Variants in TMEM259 observed in about 807,000 individuals in gnomAD.
TMEM259 encodes transmembrane protein 259.
Under a neutral mutation model 46.7 loss-of-function variants are expected in TMEM259, and 26 were observed. The observed-to-expected ratio is 0.56, with a 90% CI of 0.41 to 0.77. The LOEUF (loss-of-function observed/expected upper bound fraction) is 0.77, where lower values mean the gene tolerates loss of function less well. Among genes scored for constraint, TMEM259 ranks in the 30% least tolerant of loss-of-function variants. The pLI is 0.00. For synonymous variants in TMEM259, 494 were observed against 395.1 expected (o/e 1.25, Z -2.97); for missense variants, 930 against 900.5 (o/e 1.03, Z -0.42).
chr19:1,018,343 C>T (rs1353601837), intron 1 of TMEM259, among the ~76,000 whole-genome samples: 1 of 152,142 alleles, frequency 6.6e-6, no homozygotes, highest in Non-Finnish European at 1.5e-5. Flanking sequence ...GATGAGGGAC[C>T]GGGGGGCTCC....
chr19:1,010,366 G>T lies in TMEM259; in HGVS notation c.1847C>A (p.Ser616Ter). 1.3e-6 allele frequency: 2 copies of T among 1,494,038 alleles called. No homozygotes were observed. 92.5% of individuals were successfully genotyped at this position (1,494,038 alleles called of 1,614,324 possible). The change falls in exon 11 of 11, where the codon TCG becomes TAG. Residue 616 changes from serine to a stop codon, truncating the protein, a stop_gained. Coordinates refer to ENST00000356663, the MANE Select transcript of TMEM259 (RefSeq NM_001033026.2). LOFTEE classifies it high-confidence loss of function. ...CTGTGCGGCTCAGGACCCCACCTCC[G>T]AGGGCGCCTCCGTTGGGGCCATGGA... is the stretch of plus-strand genomic sequence containing the variant. ...PASMAPTEAP[S>*]EVGS
rs372803823 is a variant in TMEM259 at position 1,012,046 on chromosome 19, G to A, written c.841+20C>T. The stretch of plus-strand genomic sequence containing the variant: ...CCCCCACCCGCGCCCTCGCACCCTC[G>A]GCCCCGGGGCATGCCTCACCCTTGT... On this transcript the variant is annotated intron_variant, in intron 5 of 10. Transcript: ENST00000356663. 1.3e-5 allele frequency: 21 copies of A among 1,611,768 alleles called. No individual in the cohort carries two copies. In the Admixed American group the frequency reaches 2.2e-4, roughly 17 times the overall value.
chr19:1,010,418 C>A lies in TMEM259; in HGVS notation c.1795G>T (p.Ala599Ser). The A allele has an allele frequency of 1.1e-5, 16 of 1,518,772 alleles. No individual in the cohort carries two copies. The highest frequency in any genetic ancestry group is 1.3e-5 in the Non-Finnish European group (15 of 1,136,892). The allele number at this position is 1,518,772 out of a possible 1,614,324, so 94.1% of individuals were successfully genotyped here. ...SAASDTTPLGAAVGGPSPASM... is the reference protein window; with the variant it reads ...SAASDTTPLGSAVGGPSPASM... ...GCCGGGCTAGGCCCGCCTACCGCAG[C>A]CCCCAGGGGAGTTGTGTCAGAAGCT... is the stretch of plus-strand genomic sequence containing the variant. The change falls in exon 11 of 11, where the codon GCT becomes TCT. Residue 599 changes from alanine to serine, a missense_variant. Physicochemically the swap from Ala to Ser is moderately conservative, Grantham distance 99 (BLOSUM62 1). Transcript: ENST00000356663.
chr19:1,011,857 C>T, intron 6 of TMEM259, 35 bp downstream of exon 6: 1 of 1,591,614 alleles, frequency 6.3e-7, no homozygotes, highest in Non-Finnish European at 8.6e-7. Context: ...TGGCTCCCGC[C>T]CGGCCAGCCC....
At chr19:1,013,138 G>T in intron 3 of TMEM259, 103 bp downstream of exon 3, 1 of 1,044,286 alleles carries the variant, frequency 9.6e-7, no homozygotes, top group Non-Finnish European at 1.5e-6. Context: ...TCCAGGACAT[G>T]CAGCCAGCAG....
chr19:1,013,601 C>T (rs2039010832), intron 2 of TMEM259: 1 of 455,554 alleles, frequency 2.2e-6, no homozygotes, highest in Non-Finnish European at 4.0e-6. Context: ...GGCAGTAGAC[C>T]CCATGGAAGG....
Position 1,010,076 on chromosome 19 carries a change from GACCT to G in TMEM259, c.*270_*273del. ...TCCATCCTCAGGACGGTTCACTGCA[GACCT>G]ACCAAGACCCCTCCAGAACCTTCCG... is the stretch of plus-strand genomic sequence containing the variant. On this transcript the variant is annotated 3_prime_UTR_variant, in exon 11 of 11. Coordinates refer to ENST00000356663, the MANE Select transcript of TMEM259 (RefSeq NM_001033026.2). The G allele has an allele frequency of 2.2e-6, 1 of 452,586 alleles. No homozygotes were observed. Among genetic ancestry groups the G allele is most frequent in the Non-Finnish European group, 3.9e-6 (1 of 257,298 alleles). The allele number at this position is 452,586 out of a possible 1,614,324, so 28.0% of individuals were successfully genotyped here.
Position 1,011,643 on chromosome 19 carries a change from CCAGCATCTG to C in TMEM259, c.1012_1020del (p.Gln338_Leu340del). ...GGGAAGGCGATGGCCATGTTCATCTCCAGCATCTGCAGCAGGTCCACTGCGGGCACAGGG... is the reference window on the plus strand; with the variant it reads ...GGGAAGGCGATGGCCATGTTCATCTCCAGCAGGTCCACTGCGGGCACAGGG... On this transcript the variant is annotated inframe_deletion, in exon 8 of 11. Coordinates refer to ENST00000356663, the MANE Select transcript of TMEM259 (RefSeq NM_001033026.2). 6.5e-7 allele frequency: 1 copy of C among 1,546,806 alleles called. No individual in the cohort carries two copies. Among genetic ancestry groups the C allele is most frequent in the Non-Finnish European group, 8.7e-7 (1 of 1,145,094 alleles).
intron 9 of TMEM259, 40 bp downstream of exon 9, chr19:1,011,327 C>T: frequency 1.3e-6 from 2 of 1,552,642 alleles, no homozygotes; most frequent in Admixed American, 1.9e-5. Context: ...TACCCCTGCC[C>T]ACCAGCACCC....
chr19:1,012,356 C>A, intron 4 of TMEM259, 107 bp downstream of exon 4: 1 of 1,502,516 alleles, frequency 6.7e-7, no homozygotes, highest in Non-Finnish European at 8.9e-7. Context: ...CGGGGCAGAC[C>A]CCAGTGCTTC....
chr19:1,010,911 T>TCAGGGC lies in TMEM259; in HGVS notation c.1318-17_1318-16insGCCCTG. On this transcript the variant is annotated splice_polypyrimidine_tract_variant and intron_variant, in intron 10 of 10. Coordinates refer to ENST00000356663, the MANE Select transcript of TMEM259 (RefSeq NM_001033026.2). ...TCATGGAATGCTGCGGGAGGGAGAG[T>TCAGGGC]GGGAGTCAGGACGGGCCCGCCCCTG... 1 of 1,571,888 alleles carries TCAGGGC rather than the reference T, an allele frequency of 6.4e-7. No homozygotes were observed. Among genetic ancestry groups the TCAGGGC allele is most frequent in the Non-Finnish European group, 8.6e-7 (1 of 1,163,990 alleles).
chr19:1,012,374 G>GCC lies in TMEM259; in HGVS notation c.718+87_718+88dup, dbSNP rs200974669. 2.3e-5 allele frequency: 35 copies of GCC among 1,512,030 alleles called. No individual in the cohort carries two copies. In the Admixed American group the frequency reaches 2.5e-4, roughly 11 times the overall value. 93.7% of individuals were successfully genotyped at this position (1,512,030 alleles called of 1,614,324 possible). A position where few individuals can be genotyped will look rare whatever the true frequency, so the allele number is the denominator to read the frequency against. ...GGCAGACCCCAGTGCTTCCTGCACA[G>GCC]CCCCCCGTCCCGCACCAGCAGGAGG... is the stretch of plus-strand genomic sequence containing the variant. On this transcript the variant is annotated intron_variant, in intron 4 of 10. Coordinates refer to ENST00000356663, the MANE Select transcript of TMEM259 (RefSeq NM_001033026.2).
intron 2 of TMEM259, chr19:1,013,580 G>A (rs914590754): frequency 8.0e-6 from 4 of 497,436 alleles, no homozygotes; most frequent in South Asian, 6.9e-5. Flanking sequence ...CTGAGGCAAG[G>A]GCCAGCTACA....
chr19:1,016,738 C>T (rs1014274598), intron 1 of TMEM259, among the ~76,000 whole-genome samples: 12 of 152,198 alleles, frequency 7.9e-5, no homozygotes, highest in African/African-American at 2.4e-4. Context: ...TAAGGCCCCA[C>T]GGGGAAGAGC....
rs566862093 is a variant in TMEM259, at chr19:1,010,687, G to A, written c.1526C>T (p.Ala509Val). 3.3e-6 allele frequency: 5 copies of A among 1,531,828 alleles called. No homozygotes were observed. The Admixed American group carries it at 7.9e-5, about 24-fold the overall frequency. The allele number at this position is 1,531,828 out of a possible 1,614,324, so 94.9% of individuals were successfully genotyped here. A position where few individuals can be genotyped will look rare whatever the true frequency, so the allele number is the denominator to read the frequency against. ...TGCCACAGGCCCGGGACTCCCGCTG[G>A]CCCCAGGCGAGACGGGGCCCAGGGC... is the stretch of plus-strand genomic sequence containing the variant. ...PPALGPVSPG[A>V]SGSPGPVAAA... Residue 509 changes from alanine (A) to valine (V), a missense_variant, in exon 11 of 11, where the codon GCC becomes GTC. Ala to Val is a moderately conservative substitution (Grantham distance 64). Coordinates refer to ENST00000356663, the MANE Select transcript of TMEM259 (RefSeq NM_001033026.2).
At position 1,012,471 on chromosome 19, in the gene TMEM259, A is replaced by T. The variant is rs1353430932; in HGVS notation, c.710T>A (p.Val237Asp). Residue 237 changes from valine (V) to aspartate (D), a missense_variant, in exon 4 of 11, where the codon GTC (valine) becomes GAC (aspartate). Coordinates refer to ENST00000356663, the MANE Select transcript of TMEM259 (RefSeq NM_001033026.2). ...CAGCAGCTCAGACTCACCCAGGGTG[A>T]CCACCATGACGGGGATGCTCAGGCG... ...RQRLSIPVMV[V>D]TLDPTRDQCF... 1 of 1,601,718 alleles carries T rather than the reference A, an allele frequency of 6.2e-7. No homozygotes were observed. The highest frequency in any genetic ancestry group is 8.5e-7 in the Non-Finnish European group (1 of 1,175,882).
Position 1,014,483 on chromosome 19 carries a change from G to T in TMEM259, c.226-10C>A. 6.2e-7 allele frequency: 1 copy of T among 1,601,472 alleles called. No individual in the cohort carries two copies. Among genetic ancestry groups the T allele is most frequent in the Non-Finnish European group, 8.5e-7 (1 of 1,172,796 alleles). ...AGAGCACAAACAGGGCCTAGGGGGCGGCCGGCAGTCAGTGGGGCGCCCCAG... is the reference window on the plus strand; with the variant it reads ...AGAGCACAAACAGGGCCTAGGGGGCTGCCGGCAGTCAGTGGGGCGCCCCAG... On this transcript the variant is annotated splice_polypyrimidine_tract_variant and intron_variant, in intron 1 of 10. Coordinates refer to ENST00000356663, the MANE Select transcript of TMEM259 (RefSeq NM_001033026.2).
At position 1,009,779 on chromosome 19, in the gene TMEM259, C is replaced by A; in HGVS notation, c.*571G>T. 1 of 566,430 alleles carries A rather than the reference C, an allele frequency of 1.8e-6. No homozygotes were observed. The highest frequency in any genetic ancestry group is 2.8e-6 in the Non-Finnish European group (1 of 354,854). 35.1% of individuals were successfully genotyped at this position (566,430 alleles called of 1,614,324 possible). A position where few individuals can be genotyped will look rare whatever the true frequency, so the allele number is the denominator to read the frequency against. ...GGTTTGGCCGCCGGCCCACTCCATC[C>A]CCGAGTGGGACTGGACCACGGCCCT... On this transcript the variant is annotated 3_prime_UTR_variant, in exon 11 of 11. Transcript: ENST00000356663.
chr19:1,020,975 C>A lies in TMEM259; in HGVS notation c.22G>T (p.Ala8Ser), dbSNP rs778721333. MSEHVEP[A>S]APGPGPNGGG... The stretch of plus-strand genomic sequence containing the variant: ...CCGTTGGGCCCGGGCCCCGGAGCTG[C>A]GGGCTCCACGTGCTCCGACATGCCT... Residue 8 changes from alanine (A) to serine (S), a missense_variant, in exon 1 of 11, where the codon GCA becomes TCA. Transcript: ENST00000356663. The surrounding 1 kb of genome is among the most constrained non-coding windows in gnomAD (Gnocchi z 4.0). 2 of 1,296,976 alleles carry A rather than the reference C, an allele frequency of 1.5e-6. No individual in the cohort carries two copies. Among genetic ancestry groups the A allele is most frequent in the African/African-American group, 1.6e-5 (1 of 64,358 alleles). 80.3% of individuals were successfully genotyped at this position (1,296,976 alleles called of 1,614,324 possible).
Sources: gnomAD v4.1 joint callset for allele counts (sites outside exome capture counted in the v4.1 genomes callset) on GRCh38, gnomAD v4.1.1 for gene constraint, Gnocchi (gnomAD v3.1) non-coding constraint, MANE v1.5 for transcripts, NCBI Gene and HGNC (gene_info 2026-07-23, HGNC 2026-07-21) for gene names.